The following GRM8 variants were observed in gnomAD, a reference collection of about 807,000 sequenced individuals.
The protein encoded by GRM8 is glutamate metabotropic receptor 8, also known as metabotropic glutamate receptor 8.
GRM8 carries 47 observed loss-of-function variants against 87.2 expected under a neutral mutation model. That is an observed-to-expected ratio of 0.54 (90% CI 0.43 to 0.69). The LOEUF is 0.69. Ranked by LOEUF, GRM8 falls within the 30% of genes least tolerant of loss-of-function variation. The pLI, the probability that GRM8 is intolerant of heterozygous loss-of-function variation, is 0.00. For missense variants in GRM8, 1,019 were observed against 1,139.2 expected, an observed-to-expected ratio of 0.89 and a Z score of 1.52; for synonymous variants, 396 against 404.5, an observed-to-expected ratio of 0.98 and a Z score of 0.25.
intron 9 of GRM8, among the ~76,000 whole-genome samples, chr7:126,468,109 C>T (rs1001702681): frequency 6.6e-6 from 1 of 151,940 alleles, no homozygotes; most frequent in African/African-American, 2.4e-5. Flanking sequence ...CCATGAAGCC[C>T]ATAAAGCACT....
At chr7:127,207,693 T>G (rs1358871447) in intron 2 of GRM8, among the ~76,000 whole-genome samples, 2 of 152,170 alleles carry the variant, frequency 1.3e-5, no homozygotes, top group African/African-American at 4.8e-5. Flanking sequence ...ACTGAGTTCC[T>G]GGCCACGGTG....
intron 2 of GRM8, among the ~76,000 whole-genome samples, chr7:127,225,513 T>C (rs1047475950): frequency 1.3e-5 from 2 of 150,686 alleles, no homozygotes; most frequent in African/African-American, 4.9e-5. Flanking sequence ...AACTAAGGTG[T>C]CTTTGAGAAT....
intron 8 of GRM8, among the ~76,000 whole-genome samples, chr7:126,538,623 T>A (rs1261619264): frequency 6.6e-6 from 1 of 152,062 alleles, no homozygotes; most frequent in Non-Finnish European, 1.5e-5. Context: ...AATAATTTTG[T>A]TAATTATTAT....
At chr7:127,240,902 G>A (rs1418308161) in intron 2 of GRM8, among the ~76,000 whole-genome samples, 1 of 152,080 alleles carries the variant, frequency 6.6e-6, no homozygotes, top group Non-Finnish European at 1.5e-5. Context: ...CTCTTACTAA[G>A]AGAAATGGTT....
At chr7:126,642,421 A>G (rs28398919) in intron 7 of GRM8, among the ~76,000 whole-genome samples, 46,876 of 151,920 alleles carry the variant, frequency 0.31, 8,115 homozygotes, top group East Asian at 0.43. Flanking sequence ...GGCAGATCAC[A>G]AGGTCAGGAG....
intron 7 of GRM8, among the ~76,000 whole-genome samples, chr7:126,632,255 T>C (rs113667019): frequency 1.6e-4 from 25 of 152,288 alleles, no homozygotes; most frequent in South Asian, 8.3e-4. Flanking sequence ...AAAAGACCTA[T>C]GTGCAGCCAA....
chr7:126,832,639 C>A (rs1211516181), intron 6 of GRM8, among the ~76,000 whole-genome samples: 3 of 152,184 alleles, frequency 2.0e-5, no homozygotes. Flanking sequence ...TATAAAACTA[C>A]TGTTACAAAA....
At chr7:126,929,776 C>T (rs184006706) in intron 3 of GRM8, among the ~76,000 whole-genome samples, 474 of 15,934 alleles carry the variant, frequency 0.03, 3 homozygotes, top group African/African-American at 0.17. Flanking sequence ...AGTGTCTATC[C>T]TTTTTGAATT....
intron 6 of GRM8, 23 bp downstream of exon 6, chr7:126,902,519 A>C (rs750090718): frequency 1.3e-6 from 2 of 1,535,968 alleles, no homozygotes; most frequent in East Asian, 4.6e-5. Flanking sequence ...TAAATGCACC[A>C]CAGGAAACAT....
chr7:126,952,271 T>A (rs907625261), intron 3 of GRM8, among the ~76,000 whole-genome samples: 2 of 151,830 alleles, frequency 1.3e-5, no homozygotes, highest in Non-Finnish European at 2.9e-5. Context: ...CAAATAAATA[T>A]ATATAAGTTC....
chr7:126,818,232 G>C (rs1272954485), intron 6 of GRM8, among the ~76,000 whole-genome samples: 1 of 152,046 alleles, frequency 6.6e-6, no homozygotes, highest in African/African-American at 2.4e-5. Flanking sequence ...ATTTGTACCA[G>C]TCAAACAATA....
intron 8 of GRM8, among the ~76,000 whole-genome samples, chr7:126,592,362 A>T (rs1796756652): frequency 6.6e-6 from 1 of 152,022 alleles, no homozygotes; most frequent in Non-Finnish European, 1.5e-5. Flanking sequence ...CCTGATGAAC[A>T]CTGATGTAAA....
At position 126,544,760 on chromosome 7, in the gene GRM8, G is replaced by A. The variant is rs937049500; in HGVS notation, c.1495-10873C>T. 5.3e-5 allele frequency among the ~76,000 whole-genome samples: 8 copies of A among 152,028 alleles called. 1 individual carries two copies. Among genetic ancestry groups the A allele is most frequent in the African/African-American group, 1.4e-4 (6 of 41,480 alleles). ...CCTGACCTCATGATCCGCCCGCCTC[G>A]GCCTCCCAAAGTGCTGGGATTACAG... On this transcript the variant is annotated intron_variant, in intron 8 of 10. Coordinates refer to ENST00000339582, the MANE Select transcript of GRM8 (RefSeq NM_000845.3).
intron 6 of GRM8, among the ~76,000 whole-genome samples, chr7:126,783,551 C>T (rs1563183810): frequency 6.6e-6 from 1 of 152,054 alleles, no homozygotes; most frequent in Non-Finnish European, 1.5e-5. Context: ...TAGGCCATGG[C>T]CTATTAGTGA....
intron 6 of GRM8, among the ~76,000 whole-genome samples, chr7:126,772,187 T>G (rs1315155810): frequency 1.3e-5 from 2 of 152,084 alleles, no homozygotes; most frequent in Non-Finnish European, 2.9e-5. Flanking sequence ...AGTCCAGGAC[T>G]GAAGGGCTTC....
intron 2 of GRM8, among the ~76,000 whole-genome samples, chr7:127,123,676 A>G (rs1827204941): frequency 6.6e-6 from 1 of 152,156 alleles, no homozygotes. Flanking sequence ...AACTAAGACA[A>G]CTTTATTATT....
chr7:126,608,754 G>A (rs1299010442), intron 8 of GRM8, among the ~76,000 whole-genome samples: 3 of 149,674 alleles, frequency 2.0e-5, no homozygotes, highest in African/African-American at 7.4e-5. Context: ...CAAAAGTGAT[G>A]TGCCCTTTTT....
chr7:126,607,629 G>A (rs1432659980), intron 8 of GRM8, among the ~76,000 whole-genome samples: 1 of 151,948 alleles, frequency 6.6e-6, no homozygotes, highest in Non-Finnish European at 1.5e-5. Context: ...AACAGAAGAA[G>A]AATATTTTCC....
At chr7:126,797,936 G>T (rs1430462927) in intron 6 of GRM8, among the ~76,000 whole-genome samples, 4 of 151,994 alleles carry the variant, frequency 2.6e-5, no homozygotes, top group South Asian at 2.1e-4. Context: ...AACAAATATT[G>T]AACTGATAGT....
Sources: allele counts gnomAD v4.1 joint callset (sites outside exome capture counted in the v4.1 genomes callset), GRCh38; gene constraint gnomAD v4.1.1; transcripts MANE v1.5; gene names NCBI Gene and HGNC (gene_info 2026-07-23, HGNC 2026-07-21).